MS4A10: variants seen among roughly 807,000 people sequenced by gnomAD.
MS4A10 encodes the protein membrane-spanning 4-domains subfamily A member 10.
A neutral mutation model predicts 27.7 loss-of-function variants in MS4A10; 27 were observed. That is an observed-to-expected ratio of 0.98 (90% CI 0.72 to 1.35). The LOEUF (loss-of-function observed/expected upper bound fraction) is 1.35, where lower values mean the gene tolerates loss of function less well. Ranked by LOEUF, MS4A10 falls within the 40% of genes most tolerant of loss-of-function variation. The pLI is 0.00. For missense variants in MS4A10, 338 were observed against 324.7 expected (o/e 1.04, Z -0.32); for synonymous variants, 139 against 131.2 (o/e 1.06, Z -0.41).
At position 60,800,058 on chromosome 11, in the gene MS4A10, A is replaced by G. The variant is rs1565084715; in HGVS notation, c.*149A>G. On this transcript the variant is annotated 3_prime_UTR_variant, in exon 8 of 8. Transcript: ENST00000308287. Reference sequence around the variant, plus strand: ...AAAGTCAGCCCTCACAGCTCCTGGGAACGCTGTCCTCTCAGATAAGCCATT... The same window carrying G: ...AAAGTCAGCCCTCACAGCTCCTGGGGACGCTGTCCTCTCAGATAAGCCATT... The G allele has an allele frequency of 4.6e-6, 5 of 1,076,936 alleles. No homozygotes were observed. 66.7% of individuals were successfully genotyped at this position (1,076,936 alleles called of 1,614,324 possible).
intron 4 of MS4A10, among the ~76,000 whole-genome samples, chr11:60,792,756 C>T (rs1223032029): frequency 6.6e-6 from 1 of 152,220 alleles, no homozygotes; most frequent in African/African-American, 2.4e-5. Context: ...TCTGCCCGTG[C>T]TGGCCACTGC....
intron 1 of MS4A10, among the ~76,000 whole-genome samples, chr11:60,786,655 C>A (rs1037410101): frequency 3.3e-5 from 5 of 152,038 alleles, no homozygotes; most frequent in Non-Finnish European, 7.4e-5. Flanking sequence ...AGGCAATAAA[C>A]TCACCACTCC....
chr11:60,798,400 A>G lies in MS4A10; in HGVS notation c.608A>G (p.Asp203Gly). 2 of 1,613,082 alleles carry G rather than the reference A, an allele frequency of 1.2e-6. No homozygotes were observed. Among genetic ancestry groups the G allele is most frequent in the Middle Eastern group, 1.7e-4 (1 of 6,048 alleles). Residue 203 changes from aspartate (D) to glycine (G), a missense_variant, in exon 7 of 8, where the codon GAT (aspartate) becomes GGT (glycine). Coordinates refer to ENST00000308287, the MANE Select transcript of MS4A10 (RefSeq NM_206893.4). ...GCGGCGACTTTTCTTTCGCAGAATG[A>G]TGATGCATGCCTTGTTCCGAATACA... ...WRGDCPSAKN[D>G]DACLVPNTPL...
chr11:60,791,079 TG>T lies in MS4A10; in HGVS notation c.295del (p.Ala99LeufsTer12), dbSNP rs1407636693. 1.2e-6 allele frequency: 2 copies of T among 1,614,044 alleles called. No individual in the cohort carries two copies. Among genetic ancestry groups the T allele is most frequent in the East Asian group, 2.2e-5 (1 of 44,874 alleles). On this transcript the variant is annotated frameshift_variant, in exon 3 of 8. Transcript: ENST00000308287. LOFTEE classifies it high-confidence loss of function. ...GGTGCTGAAGTCTTGGTATCCATTC[TG>T]GGGGGCTGCCTCTGTGAGTAGAAGG... ...LVVLKSWYPF[W>X]GAASFLISGI...
chr11:60,801,272 A>G lies in MS4A10; in HGVS notation c.*1363A>G, dbSNP rs1458516822. ...TTTGTAAAACAAGCAATTGTGCTAC[A>G]TTGATGGTTTACATCAATAAAGGTT... On this transcript the variant is annotated 3_prime_UTR_variant, in exon 8 of 8. Coordinates refer to ENST00000308287, the MANE Select transcript of MS4A10 (RefSeq NM_206893.4). The G allele has an allele frequency of 6.6e-6, 1 of 152,252 alleles. No individual in the cohort carries two copies. The highest frequency in any genetic ancestry group is 1.5e-5 in the Non-Finnish European group (1 of 68,040). The allele number at this position is 152,252 out of a possible 1,614,324, so 9.4% of individuals were successfully genotyped here.
At chr11:60,786,806 A>T (rs1310079284) in intron 1 of MS4A10, among the ~76,000 whole-genome samples, 1 of 152,192 alleles carries the variant, frequency 6.6e-6, no homozygotes, top group Non-Finnish European at 1.5e-5. Flanking sequence ...AGTCCCTGTC[A>T]GTTGCAGGCA....
intron 6 of MS4A10, among the ~76,000 whole-genome samples, chr11:60,798,093 C>G (rs1054004799): frequency 6.6e-6 from 1 of 152,242 alleles, no homozygotes; most frequent in Non-Finnish European, 1.5e-5. Flanking sequence ...GCCCAGCCCC[C>G]CTCAGGAAAC....
At chr11:60,788,012 C>T (rs1002442395) in intron 1 of MS4A10, among the ~76,000 whole-genome samples, 12 of 149,480 alleles carry the variant, frequency 8.0e-5, no homozygotes, top group African/African-American at 2.5e-4. Flanking sequence ...AGCGAAACTC[C>T]GTCTCAAAAA....
intron 1 of MS4A10, among the ~76,000 whole-genome samples, chr11:60,786,793 G>A (rs899080921): frequency 2.6e-5 from 4 of 152,128 alleles, no homozygotes; most frequent in African/African-American, 7.2e-5. Flanking sequence ...ATTGCTATAC[G>A]CCAGTCCCTG....
intron 7 of MS4A10, among the ~76,000 whole-genome samples, chr11:60,799,182 G>T (rs1157335080): frequency 6.6e-6 from 1 of 152,212 alleles, no homozygotes; most frequent in Non-Finnish European, 1.5e-5. Context: ...CTCCCAGCTT[G>T]AAAGCTCTGA....
chr11:60,791,106 C>G lies in MS4A10; in HGVS notation c.303+13C>G, dbSNP rs941340059. 1.9e-6 allele frequency: 3 copies of G among 1,613,380 alleles called. No homozygotes were observed. The African/African-American group carries it at 4.0e-5, about 22-fold the overall frequency. On this transcript the variant is annotated intron_variant, in intron 3 of 7. Transcript: ENST00000308287. ...GGGGGCTGCCTCTGTGAGTAGAAGG[C>G]AAAACACAGACCGGGTGTGGGAGTC...
chr11:60,789,864 A>G (rs1187600836), intron 1 of MS4A10, among the ~76,000 whole-genome samples: 1 of 152,182 alleles, frequency 6.6e-6, no homozygotes, highest in Non-Finnish European at 1.5e-5. Flanking sequence ...CCTTCTCTCC[A>G]GGAGGCATGG....
chr11:60,798,745 G>C (rs1854576126), intron 7 of MS4A10, among the ~76,000 whole-genome samples: 1 of 152,208 alleles, frequency 6.6e-6, no homozygotes, highest in Non-Finnish European at 1.5e-5. Flanking sequence ...CACCTGACTT[G>C]GTTGACCAGA....
At chr11:60,791,209 A>C in intron 3 of MS4A10, 116 bp downstream of exon 3, 1 of 1,346,774 alleles carries the variant, frequency 7.4e-7, no homozygotes, top group Non-Finnish European at 1.0e-6. Flanking sequence ...GGAGTGCGGC[A>C]GAAGCGAGGC....
At chr11:60,791,209 A>G in intron 3 of MS4A10, 116 bp downstream of exon 3, 1 of 1,346,774 alleles carries the variant, frequency 7.4e-7, no homozygotes, top group Non-Finnish European at 1.0e-6. Flanking sequence ...GGAGTGCGGC[A>G]GAAGCGAGGC....
chr11:60,797,155 G>T (rs563334304), intron 6 of MS4A10, among the ~76,000 whole-genome samples: 165 of 152,282 alleles, frequency 1.1e-3, no homozygotes, highest in African/African-American at 3.9e-3. Flanking sequence ...AGCCAGATGG[G>T]GGTCTTGAGT....
intron 6 of MS4A10, among the ~76,000 whole-genome samples, chr11:60,798,114 G>A (rs1854561431): frequency 6.6e-6 from 1 of 152,254 alleles, no homozygotes; most frequent in African/African-American, 2.4e-5. Context: ...CCAACAGGGT[G>A]AGTGACTTGC....
chr11:60,792,321 G>C lies in MS4A10; in HGVS notation c.360G>C (p.Leu120=), dbSNP rs1854444766. Residue 120 remains leucine (L), a splice_region_variant and synonymous_variant, in exon 4 of 8, where the codon CTG becomes CTC. Coordinates refer to ENST00000308287, the MANE Select transcript of MS4A10 (RefSeq NM_206893.4). ...ITMKTFSKTY[L]KMLCLMTNLI... is the part of the protein sequence containing the mutation. ...TGAAGACCTTTTCTAAAACTTACCT[G>C]GTGAGTGGGCACACTGAGATCATTC... is the stretch of plus-strand genomic sequence containing the variant. 6.2e-7 allele frequency: 1 copy of C among 1,603,694 alleles called. No individual in the cohort carries two copies. Among genetic ancestry groups the C allele is most frequent in the Non-Finnish European group, 8.5e-7 (1 of 1,170,688 alleles).
intron 5 of MS4A10, 137 bp from the exon 6 acceptor site, chr11:60,795,418 A>C: frequency 4.3e-6 from 2 of 467,498 alleles, no homozygotes; most frequent in South Asian, 4.5e-5. Context: ...TGCCTTCCCC[A>C]CGCACACCTG....
Sources: allele counts gnomAD v4.1 joint callset (sites outside exome capture counted in the v4.1 genomes callset), GRCh38; gene constraint gnomAD v4.1.1; transcripts MANE v1.5; gene names NCBI Gene and HGNC (gene_info 2026-07-23, HGNC 2026-07-21).